CPNE8: variants seen among roughly 807,000 people sequenced by gnomAD.
The protein encoded by CPNE8 is copine-8.
In CPNE8, 45 loss-of-function variants were observed where a neutral mutation model predicts 81.5. That is an observed-to-expected ratio of 0.55 (90% CI 0.44 to 0.71). The LOEUF (loss-of-function observed/expected upper bound fraction) is 0.71, where lower values mean the gene tolerates loss of function less well. Among genes scored for constraint, CPNE8 ranks in the 30% least tolerant of loss-of-function variants. The pLI, the probability that CPNE8 is intolerant of heterozygous loss-of-function variation, is 0.00. For synonymous variants in CPNE8, 252 were observed against 226.3 expected (o/e 1.11, Z -1.02); for missense variants, 594 against 672.1 (o/e 0.88, Z 1.28).
intron 10 of CPNE8, among the ~76,000 whole-genome samples, chr12:38,731,229 A>G (rs1449698835): frequency 6.6e-6 from 1 of 151,980 alleles, no homozygotes; most frequent in Non-Finnish European, 1.5e-5. Context: ...TGAAAGCAAT[A>G]TAACAAACAT....
At chr12:38,656,337 AAG>A (rs1369989252) in intron 19 of CPNE8, among the ~76,000 whole-genome samples, 1 of 131,526 alleles carries the variant, frequency 7.6e-6, no homozygotes, top group African/African-American at 2.8e-5. Flanking sequence ...TTTTTTTTTG[AAG>A]AGTTTTTTTT....
intron 18 of CPNE8, chr12:38,671,082 C>T (rs918997903): frequency 8.1e-5 from 22 of 273,226 alleles, no homozygotes; most frequent in Admixed American, 1.6e-4. Flanking sequence ...GAAACTGTCT[C>T]TGGGTCTATC....
At chr12:38,870,631 G>A (rs958152164) in intron 3 of CPNE8, among the ~76,000 whole-genome samples, 16 of 151,938 alleles carry the variant, frequency 1.1e-4, no homozygotes, top group East Asian at 1.9e-4. Context: ...ATCACACACC[G>A]GGGCCTGTCG....
intron 14 of CPNE8, among the ~76,000 whole-genome samples, chr12:38,697,707 C>T (rs1423458370): frequency 1.3e-5 from 2 of 150,396 alleles, no homozygotes; most frequent in Non-Finnish European, 3.0e-5. Context: ...GTAGGATCCC[C>T]CATGAATGGC....
intron 19 of CPNE8, among the ~76,000 whole-genome samples, chr12:38,666,570 C>G (rs1939060490): frequency 6.6e-6 from 1 of 151,948 alleles, no homozygotes; most frequent in Non-Finnish European, 1.5e-5. Flanking sequence ...TCGATCAGCA[C>G]AGATGAGGAG....
rs1306484688 is a variant in CPNE8, at chr12:38,659,177, C to T, written c.1507-5107G>A. Among the ~76,000 whole-genome samples, 4 of 149,630 alleles carry T rather than the reference C, an allele frequency of 2.7e-5. No homozygotes were observed. In the East Asian group the frequency reaches 5.9e-4, roughly 22 times the overall value. ...TCTCACATGCAGAGACACACATAGGCTCAAAATGAAGGGATGGAGGAAGAT... is the reference window on the plus strand; with the variant it reads ...TCTCACATGCAGAGACACACATAGGTTCAAAATGAAGGGATGGAGGAAGAT... On this transcript the variant is annotated intron_variant, in intron 19 of 19. Transcript: ENST00000331366.
chr12:38,730,190 C>T, intron 11 of CPNE8, 93 bp downstream of exon 11: 1 of 789,608 alleles, frequency 1.3e-6, no homozygotes, highest in Non-Finnish European at 2.2e-6. Context: ...ACTTAGTTAA[C>T]CTTTGGCAAT....
chr12:38,725,003 T>G lies in CPNE8; in HGVS notation c.799-104A>C, dbSNP rs541809348. On this transcript the variant is annotated intron_variant, in intron 11 of 19. Transcript: ENST00000331366. ...TTTAACCTGCTGCCTTCCCTTCTTA[T>G]GCATGTATTCATTTACAAATGCTTT... The G allele has an allele frequency of 3.3e-5, 33 of 995,202 alleles. No homozygotes were observed. The South Asian group carries it at 3.8e-4, about 11-fold the overall frequency. The allele number at this position is 995,202 out of a possible 1,614,324, so 61.6% of individuals were successfully genotyped here.
At chr12:38,757,638 T>A (rs528656162) in intron 10 of CPNE8, among the ~76,000 whole-genome samples, 1 of 152,108 alleles carries the variant, frequency 6.6e-6, no homozygotes, top group African/African-American at 2.4e-5. Flanking sequence ...TTTGCTAACA[T>A]TGAAAAAGGT....
chr12:38,825,493 T>A (rs1023441455), intron 6 of CPNE8, among the ~76,000 whole-genome samples: 1 of 152,220 alleles, frequency 6.6e-6, no homozygotes, highest in African/African-American at 2.4e-5. Context: ...TATTCGCAGA[T>A]AAAGCTTCCA....
chr12:38,668,806 T>A (rs570350715), intron 19 of CPNE8, among the ~76,000 whole-genome samples: 3 of 151,882 alleles, frequency 2.0e-5, no homozygotes, highest in Non-Finnish European at 4.4e-5. Flanking sequence ...TCCCAGCACA[T>A]TGGGAGGCCG....
At chr12:38,829,821 A>G (rs896539932) in intron 5 of CPNE8, among the ~76,000 whole-genome samples, 10 of 152,208 alleles carry the variant, frequency 6.6e-5, no homozygotes, top group African/African-American at 2.4e-4. Flanking sequence ...AAAATGAGAA[A>G]GCCCACAGCA....
At chr12:38,863,048 C>G (rs1183673541) in intron 3 of CPNE8, among the ~76,000 whole-genome samples, 3 of 151,980 alleles carry the variant, frequency 2.0e-5, no homozygotes, top group East Asian at 3.9e-4. Flanking sequence ...CCATCAAAGG[C>G]AGAAATTGAT....
At position 38,905,508 on chromosome 12, in the gene CPNE8, C is replaced by A. The variant is rs747183468; in HGVS notation, c.27G>T (p.Ala9=). 4 of 1,571,442 alleles carry A rather than the reference C, an allele frequency of 2.5e-6. No homozygotes were observed. The African/African-American group carries it at 5.4e-5, about 21-fold the overall frequency. The change falls in exon 1 of 20, where the codon GCG becomes GCT. Residue 9 remains alanine (A), a synonymous_variant. Coordinates refer to ENST00000331366, the MANE Select transcript of CPNE8 (RefSeq NM_153634.3). The part of the protein sequence containing the change: MDSRYNST[A]GIGDLNQLSA... ...TCAGCTGGTTCAAGTCCCCGATGCC[C>A]GCAGTGCTGTTGTAGCGGCTGTCCA...
chr12:38,747,768 A>T (rs1004878578), intron 10 of CPNE8, among the ~76,000 whole-genome samples: 1 of 152,088 alleles, frequency 6.6e-6, no homozygotes, highest in Non-Finnish European at 1.5e-5. Flanking sequence ...ATATCTCAAT[A>T]ATTTAGATAC....
At chr12:38,660,729 A>C (rs974290534) in intron 19 of CPNE8, among the ~76,000 whole-genome samples, 1 of 152,214 alleles carries the variant, frequency 6.6e-6, no homozygotes, top group African/African-American at 2.4e-5. Flanking sequence ...ACAAAGGGCT[A>C]ATATCCAGAA....
At chr12:38,714,764 A>T (rs1214449005) in intron 13 of CPNE8, among the ~76,000 whole-genome samples, 1 of 152,106 alleles carries the variant, frequency 6.6e-6, no homozygotes, top group Admixed American at 6.6e-5. Context: ...TGTCTACTGC[A>T]GCTAAACACA....
rs17126242 is a variant in CPNE8, at chr12:38,726,227, T to C, written c.799-1328A>G. 1.5e-3 allele frequency: 225 copies of C among 148,866 alleles called. 1 individual carries two copies. Among genetic ancestry groups the C allele is most frequent in the African/African-American group, 5.1e-3 (208 of 40,702 alleles). The allele number at this position is 148,866 out of a possible 1,614,324, so 9.2% of individuals were successfully genotyped here. A position where few individuals can be genotyped will look rare whatever the true frequency, so the allele number is the denominator to read the frequency against. On this transcript the variant is annotated intron_variant, in intron 11 of 19. Coordinates refer to ENST00000331366, the MANE Select transcript of CPNE8 (RefSeq NM_153634.3). Reference sequence around the variant, plus strand: ...TTTAAATTTTCTATGCAAGAAGTAATGAATCATTAAATAAGGAAGCCCCAT... The same window carrying C: ...TTTAAATTTTCTATGCAAGAAGTAACGAATCATTAAATAAGGAAGCCCCAT...
intron 6 of CPNE8, among the ~76,000 whole-genome samples, chr12:38,782,274 C>G (rs1432150940): frequency 6.6e-6 from 1 of 152,082 alleles, no homozygotes; most frequent in Non-Finnish European, 1.5e-5. Context: ...GAAACGATTT[C>G]ACGTTAAAAG....
Sources: allele counts gnomAD v4.1 joint callset (sites outside exome capture counted in the v4.1 genomes callset), GRCh38; gene constraint gnomAD v4.1.1; transcripts MANE v1.5; gene names NCBI Gene and HGNC (gene_info 2026-07-23, HGNC 2026-07-21).